FSTL4: variants seen among roughly 807,000 people sequenced by gnomAD.
FSTL4 encodes the protein follistatin-related protein 4.
In FSTL4, 28 loss-of-function variants were observed where a neutral mutation model predicts 78.2. The ratio of observed to expected loss-of-function variants is 0.36; its 90% CI spans 0.27 to 0.49. FSTL4 has a LOEUF of 0.49. Ranked by LOEUF, FSTL4 falls within the 20% of genes least tolerant of loss-of-function variation. The pLI, the probability that FSTL4 is intolerant of heterozygous loss-of-function variation, is 0.98. For synonymous variants in FSTL4, 422 were observed against 440.5 expected (o/e 0.96, Z 0.53); for missense variants, 922 against 1,084.9 (o/e 0.85, Z 2.11).
chr5:133,411,489 A>T (rs1356202657), intron 3 of FSTL4, among the ~76,000 whole-genome samples: 2 of 152,212 alleles, frequency 1.3e-5, no homozygotes, highest in Admixed American at 6.5e-5. Flanking sequence ...GGTCACTATT[A>T]AGACTCCAGT....
the FSTL4 span, among the ~76,000 whole-genome samples, chr5:133,697,985 C>G: frequency 6.6e-6 from 1 of 152,206 alleles, no homozygotes; most frequent in Admixed American, 6.5e-5. Context: ...AGCTTTATTT[C>G]TACTTGGGTT....
intron 6 of FSTL4, among the ~76,000 whole-genome samples, chr5:133,254,441 C>G (rs984110398): frequency 7.2e-5 from 11 of 152,234 alleles, no homozygotes; most frequent in African/African-American, 2.7e-4. Flanking sequence ...GACTGATTGG[C>G]CCATCAGGCC....
At chr5:133,736,306 T>A in the FSTL4 span, among the ~76,000 whole-genome samples, 1 of 152,170 alleles carries the variant, frequency 6.6e-6, no homozygotes, top group Non-Finnish European at 1.5e-5. Context: ...AGTTATTACT[T>A]CAATTCTGGC....
At chr5:133,635,704 G>T in the FSTL4 span, among the ~76,000 whole-genome samples, 30 of 152,234 alleles carry the variant, frequency 2.0e-4, no homozygotes, top group South Asian at 6.2e-4. Flanking sequence ...CGGAGGTTGC[G>T]TTGAGCTGAG....
intron 2 of FSTL4, among the ~76,000 whole-genome samples, chr5:133,591,384 C>G (rs35722327): frequency 0.021 from 3,170 of 152,300 alleles, 49 homozygotes; most frequent in Middle Eastern, 0.058. Flanking sequence ...AAATGCAACT[C>G]CATAAAATGC....
intron 4 of FSTL4, among the ~76,000 whole-genome samples, chr5:133,362,765 G>A (rs1755099418): frequency 6.6e-6 from 1 of 152,190 alleles, no homozygotes; most frequent in African/African-American, 2.4e-5. Flanking sequence ...TGCTCTCCGG[G>A]AACTCCTTCC....
At chr5:133,547,807 T>C (rs111543910) in intron 3 of FSTL4, among the ~76,000 whole-genome samples, 1 of 152,156 alleles carries the variant, frequency 6.6e-6, no homozygotes, top group South Asian at 2.1e-4. Flanking sequence ...AATAAACCTC[T>C]TTTTTTAAAA....
At chr5:133,582,847 T>C (rs896145137) in intron 2 of FSTL4, among the ~76,000 whole-genome samples, 2 of 152,290 alleles carry the variant, frequency 1.3e-5, no homozygotes, top group Middle Eastern at 3.4e-3. Flanking sequence ...CCCTGGGCTA[T>C]CCCTGTCCTG....
At chr5:133,228,044 T>C (rs1180768902) in intron 8 of FSTL4, among the ~76,000 whole-genome samples, 1 of 152,024 alleles carries the variant, frequency 6.6e-6, no homozygotes, top group Non-Finnish European at 1.5e-5. Flanking sequence ...CTGGGCAACA[T>C]GGCAAAACCC....
chr5:133,386,648 G>T (rs1428912), intron 4 of FSTL4, among the ~76,000 whole-genome samples: 38,115 of 152,038 alleles, frequency 0.25, 5,113 homozygotes, highest in Middle Eastern at 0.39. Context: ...ATTGAGACAA[G>T]CCTGGCACAT....
the FSTL4 span, among the ~76,000 whole-genome samples, chr5:133,701,511 C>CACACACACACA: frequency 1.6e-5 from 1 of 63,566 alleles, no homozygotes; most frequent in East Asian, 6.3e-4. Context: ...ACACACACAC[C>CACACACACACA]CCACAGGCCA....
At chr5:133,485,702 C>T (rs1382896306) in intron 3 of FSTL4, among the ~76,000 whole-genome samples, 3 of 152,184 alleles carry the variant, frequency 2.0e-5, no homozygotes, top group South Asian at 2.1e-4. Context: ...CAGCAACGTT[C>T]GGGTCCTCGG....
At chr5:133,775,829 T>G in the FSTL4 span, among the ~76,000 whole-genome samples, 1 of 152,136 alleles carries the variant, frequency 6.6e-6, no homozygotes. Context: ...GAATAGACAA[T>G]ATATTACAAT....
chr5:133,408,646 G>A (rs570657268), intron 3 of FSTL4, among the ~76,000 whole-genome samples: 31 of 152,254 alleles, frequency 2.0e-4, no homozygotes, highest in Non-Finnish European at 1.0e-4. Flanking sequence ...ATCCCGCTGG[G>A]TCTCAAGTAA....
chr5:133,839,969 C>T, the FSTL4 span, among the ~76,000 whole-genome samples: 31 of 152,318 alleles, frequency 2.0e-4, no homozygotes, highest in Non-Finnish European at 2.9e-4. Flanking sequence ...CTGACAGCCT[C>T]GATCAATGCC....
intron 8 of FSTL4, 68 bp downstream of exon 8, chr5:133,233,349 G>A (rs945749816): frequency 1.2e-5 from 18 of 1,554,836 alleles, no homozygotes; most frequent in African/African-American, 4.1e-5. Flanking sequence ...AGGAGGGGGC[G>A]AGGGTTGATC....
At chr5:133,239,068 GC>G (rs541247620) in intron 7 of FSTL4, among the ~76,000 whole-genome samples, 1 of 152,328 alleles carries the variant, frequency 6.6e-6, no homozygotes, top group Admixed American at 6.5e-5. Flanking sequence ...GGCTCGGCGG[GC>G]CCCGCACTCG....
chr5:133,512,928 A>G (rs1333193375), intron 3 of FSTL4, among the ~76,000 whole-genome samples: 5 of 151,716 alleles, frequency 3.3e-5, no homozygotes, highest in Non-Finnish European at 1.5e-5. Flanking sequence ...AGCGATTCTC[A>G]TGCCTTAGCC....
intron 8 of FSTL4, among the ~76,000 whole-genome samples, chr5:133,233,046 A>G (rs532644771): frequency 4.9e-4 from 75 of 152,358 alleles, no homozygotes; most frequent in African/African-American, 1.7e-3. Context: ...GGAGTGGTGG[A>G]TTTCAGTTTC....
Sources: gnomAD v4.1 joint callset for allele counts (sites outside exome capture counted in the v4.1 genomes callset) on GRCh38, gnomAD v4.1.1 for gene constraint, MANE v1.5 for transcripts, NCBI Gene and HGNC (gene_info 2026-07-23, HGNC 2026-07-21) for gene names.